CYP4V2: variants seen among roughly 807,000 people sequenced by gnomAD.
CYP4V2 encodes the protein cytochrome P450 family 4 subfamily V member 2.
Under a neutral mutation model 60.8 loss-of-function variants are expected in CYP4V2, and 55 were observed. That is an observed-to-expected ratio of 0.90 (90% confidence interval 0.73 to 1.13). The LOEUF (loss-of-function observed/expected upper bound fraction) is 1.13, where lower values mean the gene tolerates loss of function less well. Ranked by LOEUF, CYP4V2 falls within the 50% of genes most tolerant of loss-of-function variation. The probability of loss-of-function intolerance (pLI) is 0.00; values close to 1 mark genes in which losing one functional copy is unlikely to be tolerated. For missense variants in CYP4V2, 675 were observed against 662.9 expected (o/e 1.02, Z -0.20); for synonymous variants, 239 against 236.8 (o/e 1.01, Z -0.08).
intron 8 of CYP4V2, 114 bp from the exon 9 acceptor site, chr4:186,208,751 G>A: frequency 7.0e-7 from 1 of 1,426,792 alleles, no homozygotes; most frequent in Non-Finnish European, 9.9e-7. Flanking sequence ...TTCTTTGTTG[G>A]GTATTTGATG....
Position 186,201,205 on chromosome 4 carries a change from G to A in CYP4V2, c.850G>A (p.Gly284Ser). 1 of 1,614,204 alleles carries A rather than the reference G, an allele frequency of 6.2e-7. No homozygotes were observed. The highest frequency in any genetic ancestry group is 1.1e-5 in the South Asian group (1 of 91,084). The change falls in exon 7 of 11, where the codon GGT (glycine) becomes AGT (serine). Residue 284 changes from glycine (G) to serine (S), a missense_variant. Coordinates refer to ENST00000378802, the MANE Select transcript of CYP4V2 (RefSeq NM_207352.4). Reference sequence around the variant, plus strand: ...AATGAACGCCAATGAAGACTGTAGAGGTGATGGCAGGGGCTCTGCCCCCTC... The same window carrying A: ...AATGAACGCCAATGAAGACTGTAGAAGTGATGGCAGGGGCTCTGCCCCCTC... ...NEMNANEDCRGDGRGSAPSKN... is the reference protein window; with the variant it reads ...NEMNANEDCRSDGRGSAPSKN...
At position 186,195,415 on chromosome 4, in the gene CYP4V2, C is replaced by T. The variant is rs1306598325; in HGVS notation, c.328-588C>T. On this transcript the variant is annotated intron_variant, in intron 2 of 10. Coordinates refer to ENST00000378802, the MANE Select transcript of CYP4V2 (RefSeq NM_207352.4). This position sits in a 1 kb window ranked among gnomAD's most constrained non-coding sequence, Gnocchi z 4.1. ...ATGGAGATCTGTCCAGAGTAGGGGA[C>T]TTGAGCAAGAAGCCTGGTGGGCACC... Among the ~76,000 whole-genome samples the T allele has an allele frequency of 6.6e-6, 1 of 152,184 alleles. No homozygotes were observed. The highest frequency in any genetic ancestry group is 2.4e-5 in the African/African-American group (1 of 41,442).
rs937123801 is a variant in CYP4V2 at position 186,212,953 on chromosome 4, C to T, written c.*2312C>T. On this transcript the variant is annotated 3_prime_UTR_variant, in exon 11 of 11. Coordinates refer to ENST00000378802, the MANE Select transcript of CYP4V2 (RefSeq NM_207352.4). ...TGGTTAATCTTATTTAGAAAATGGG[C>T]ATATTAGAAAAAGTCCTTCCAAGAT... is the stretch of plus-strand genomic sequence containing the variant. 2 of 152,178 alleles carry T rather than the reference C, an allele frequency of 1.3e-5. No homozygotes were observed. The highest frequency in any genetic ancestry group is 2.9e-5 in the Non-Finnish European group (2 of 68,022). 9.4% of individuals were successfully genotyped at this position (152,178 alleles called of 1,614,324 possible).
chr4:186,203,948 G>C (rs7661584), intron 7 of CYP4V2: 14,616 of 152,238 alleles, frequency 0.096, 1,034 homozygotes, highest in East Asian at 0.33. Flanking sequence ...GGAAAAGTGA[G>C]ATCTTTTATA....
chr4:186,204,653 T>C (rs1736442689), intron 7 of CYP4V2: 1 of 204,636 alleles, frequency 4.9e-6, no homozygotes, highest in African/African-American at 2.3e-5. Context: ...AGAACAGTAA[T>C]GAGTCTTTCA....
At chr4:186,200,739 C>T (rs1000689732) in intron 6 of CYP4V2, among the ~76,000 whole-genome samples, 15 of 152,124 alleles carry the variant, frequency 9.9e-5, no homozygotes, top group Non-Finnish European at 5.9e-5. Flanking sequence ...GGTGAATTCA[C>T]TAATCTGCTT....
intron 6 of CYP4V2, 25 bp from the exon 7 acceptor site, chr4:186,201,132 T>C: frequency 3.1e-6 from 5 of 1,612,732 alleles, no homozygotes; most frequent in Non-Finnish European, 4.2e-6. Context: ...AACAGAAGCA[T>C]GTGATTATCA....
chr4:186,208,827 T>C (rs1278632333), intron 8 of CYP4V2, 38 bp from the exon 9 acceptor site: 1 of 1,614,032 alleles, frequency 6.2e-7, no homozygotes, highest in African/African-American at 1.3e-5. Context: ...CAGCCCCCAC[T>C]GCTCTTTCAG....
At chr4:186,198,928 C>G (rs753395888) in intron 5 of CYP4V2, 29 bp from the exon 6 acceptor site, 2 of 1,613,724 alleles carry the variant, frequency 1.2e-6, no homozygotes, top group East Asian at 2.2e-5. Flanking sequence ...TCTGATACAA[C>G]AGCTGATGTA....
At chr4:186,196,847 A>G (rs72646257) in intron 3 of CYP4V2, 93 bp from the exon 4 acceptor site, 20,438 of 1,328,538 alleles carry the variant, frequency 0.015, 206 homozygotes, top group Non-Finnish European at 0.018. Flanking sequence ...TTGACTTGCT[A>G]TATTTATGCT....
At chr4:186,206,539 T>C (rs1736511841) in intron 8 of CYP4V2, among the ~76,000 whole-genome samples, 1 of 152,264 alleles carries the variant, frequency 6.6e-6, no homozygotes, top group Non-Finnish European at 1.5e-5. Context: ...ACAAGTGGTA[T>C]CTGATGCAGT....
intron 8 of CYP4V2, 65 bp downstream of exon 8, chr4:186,205,367 TG>T: frequency 1.1e-5 from 16 of 1,473,808 alleles, no homozygotes; most frequent in Non-Finnish European, 1.4e-5. Flanking sequence ...GTCACTGTGT[TG>T]TAAACACAGT....
In CYP4V2 at chr4:186,199,044, C is replaced by A. The variant is rs1217124961; in HGVS notation, c.762C>A (p.His254Gln). The A allele has an allele frequency of 1.2e-6, 2 of 1,614,032 alleles. No homozygotes were observed. Among genetic ancestry groups the A allele is most frequent in the East Asian group, 2.2e-5 (1 of 44,866 alleles). ...TTATGTTTAAAGAAGGATGGGAACA[C>A]AAAAAGAGCCTTCAGATCCTACATA... is the stretch of plus-strand genomic sequence containing the variant. ...WYLMFKEGWEHKKSLQILHTF... is the reference protein window; with the variant it reads ...WYLMFKEGWEQKKSLQILHTF... The change falls in exon 6 of 11, where the codon CAC becomes CAA. Residue 254 changes from histidine to glutamine, a missense_variant. Transcript: ENST00000378802.
At chr4:186,205,429 T>A in intron 8 of CYP4V2, 127 bp downstream of exon 8, 1 of 930,936 alleles carries the variant, frequency 1.1e-6, no homozygotes, top group Non-Finnish European at 1.8e-6. Context: ...ACCATCCCCT[T>A]TGCAAGGCCT....
chr4:186,210,599 C>G lies in CYP4V2; in HGVS notation c.1536C>G (p.Gly512=). The change falls in exon 11 of 11, where the codon GGC becomes GGG. Residue 512 remains glycine, a synonymous_variant. Coordinates refer to ENST00000378802, the MANE Select transcript of CYP4V2 (RefSeq NM_207352.4). ...EGQLILRPSN[G]IWIKLKRRNA... is the part of the protein sequence containing the mutation. ...AGTTGATTCTTCGTCCAAGTAATGGCATCTGGATCAAGTTGAAGAGGAGAA... is the reference window on the plus strand; with the variant it reads ...AGTTGATTCTTCGTCCAAGTAATGGGATCTGGATCAAGTTGAAGAGGAGAA... 1 of 1,614,070 alleles carries G rather than the reference C, an allele frequency of 6.2e-7. No individual in the cohort carries two copies. Among genetic ancestry groups the G allele is most frequent in the African/African-American group, 1.3e-5 (1 of 74,988 alleles).
intron 6 of CYP4V2, among the ~76,000 whole-genome samples, chr4:186,200,251 T>G (rs979332638): frequency 6.6e-5 from 10 of 152,102 alleles, no homozygotes; most frequent in African/African-American, 2.2e-4. Flanking sequence ...TTAGAATCTA[T>G]TCAGGCCACT....
At chr4:186,198,161 G>T (rs1736212324) in intron 5 of CYP4V2, among the ~76,000 whole-genome samples, 1 of 152,192 alleles carries the variant, frequency 6.6e-6, no homozygotes, top group Non-Finnish European at 1.5e-5. Context: ...ACAGAGAAGT[G>T]CATTGAGCTG....
intron 4 of CYP4V2, 108 bp downstream of exon 4, chr4:186,197,238 G>C (rs145366496): frequency 1.5e-6 from 2 of 1,358,174 alleles, no homozygotes; most frequent in Non-Finnish European, 2.1e-6. Flanking sequence ...AAAGGGTGAC[G>C]GGCTCTTCAG....
intron 10 of CYP4V2, 60 bp from the exon 11 acceptor site, chr4:186,210,409 T>C: frequency 6.2e-7 from 1 of 1,610,656 alleles, no homozygotes; most frequent in Non-Finnish European, 8.5e-7. Flanking sequence ...CAGGACCTCT[T>C]GTTTCTCACA....
Sources: allele counts gnomAD v4.1 joint callset (sites outside exome capture counted in the v4.1 genomes callset), GRCh38; gene constraint gnomAD v4.1.1; non-coding constraint Gnocchi (gnomAD v3.1); transcripts MANE v1.5; gene names NCBI Gene and HGNC (gene_info 2026-07-23, HGNC 2026-07-21).